Variants in L3MBTL4 observed in about 807,000 individuals in gnomAD.
The protein encoded by L3MBTL4 is lethal(3)malignant brain tumor-like protein 4.
Under a neutral mutation model 84.5 loss-of-function variants are expected in L3MBTL4, and 70 were observed. The observed-to-expected ratio is 0.83, with a 90% CI of 0.68 to 1.01. The LOEUF is 1.01. Among genes scored for constraint, L3MBTL4 ranks in the 50% least tolerant of loss-of-function variants. L3MBTL4 has a pLI of 0.00. For missense variants in L3MBTL4, 715 were observed against 754.8 expected (o/e 0.95, Z 0.62); for synonymous variants, 274 against 259.8 (o/e 1.05, Z -0.52).
At chr18:6,247,741 T>G (rs2047742192) in intron 5 of L3MBTL4, among the ~76,000 whole-genome samples, 1 of 150,750 alleles carries the variant, frequency 6.6e-6, no homozygotes, top group African/African-American at 2.4e-5. Flanking sequence ...GTGATCCACC[T>G]GCCTCGGTCT....
At chr18:6,257,552 G>A (rs956386593) in intron 5 of L3MBTL4, among the ~76,000 whole-genome samples, 3 of 151,944 alleles carry the variant, frequency 2.0e-5, no homozygotes, top group African/African-American at 7.3e-5. Flanking sequence ...AGAACCAAGG[G>A]ACATTATTTT....
chr18:6,349,232 T>C (rs375353357), intron 1 of L3MBTL4, among the ~76,000 whole-genome samples: 1 of 152,228 alleles, frequency 6.6e-6, no homozygotes, highest in Non-Finnish European at 1.5e-5. Context: ...AAAAGACATA[T>C]ATAATAATGT....
At chr18:6,253,882 T>C in intron 5 of L3MBTL4, among the ~76,000 whole-genome samples, 1 of 152,234 alleles carries the variant, frequency 6.6e-6, no homozygotes, top group East Asian at 1.9e-4. Context: ...GCAGGAATGT[T>C]AGATTTTCTT....
intron 13 of L3MBTL4, among the ~76,000 whole-genome samples, chr18:6,142,604 G>A (rs371922644): frequency 5.9e-5 from 9 of 152,052 alleles, no homozygotes; most frequent in East Asian, 1.9e-4. Flanking sequence ...ACTTTTAAAC[G>A]AATCAGAGGA....
Position 5,969,318 on chromosome 18 carries a change from G to A in L3MBTL4, c.1614+75C>T. The A allele has an allele frequency of 5.3e-6, 8 of 1,513,978 alleles. No individual in the cohort carries two copies. The South Asian group carries it at 7.9e-5, about 15-fold the overall frequency. The allele number at this position is 1,513,978 out of a possible 1,614,324, so 93.8% of individuals were successfully genotyped here. ...GGCGCTGTCCCAGACATCAAAGAAT[G>A]GTCAGTGGGCACCTTCCGCCTATTT... is the stretch of plus-strand genomic sequence containing the variant. On this transcript the variant is annotated intron_variant, in intron 17 of 18. Transcript: ENST00000317931.
chr18:5,967,835 C>T lies in L3MBTL4; in HGVS notation c.1614+1558G>A, dbSNP rs137980591. Among the ~76,000 whole-genome samples, 243 of 152,294 alleles carry T rather than the reference C, an allele frequency of 1.6e-3. 1 individual carries two copies. Among genetic ancestry groups the T allele is most frequent in the Middle Eastern group, 6.8e-3 (2 of 294 alleles). On this transcript the variant is annotated intron_variant, in intron 17 of 18. Coordinates refer to ENST00000317931, the MANE Select transcript of L3MBTL4 (RefSeq NM_001330559.2). Reference sequence around the variant, plus strand: ...CAGGACTCCCTGGGGCAGGAGGGGACGGCAAGAATGGCAGGACAAGCAAGG... The same window carrying T: ...CAGGACTCCCTGGGGCAGGAGGGGATGGCAAGAATGGCAGGACAAGCAAGG...
chr18:6,326,034 G>T (rs343264), intron 1 of L3MBTL4, among the ~76,000 whole-genome samples: 1 of 152,144 alleles, frequency 6.6e-6, no homozygotes, highest in Non-Finnish European at 1.5e-5. Context: ...TGCATGCACT[G>T]CTCCTAACCA....
At chr18:5,997,479 G>A (rs1303181724) in intron 16 of L3MBTL4, among the ~76,000 whole-genome samples, 1 of 152,174 alleles carries the variant, frequency 6.6e-6, no homozygotes, top group Non-Finnish European at 1.5e-5. Flanking sequence ...TGGTTTCACT[G>A]AACCAGAACA....
intron 1 of L3MBTL4, among the ~76,000 whole-genome samples, chr18:6,385,105 T>C (rs1024173801): frequency 6.6e-6 from 1 of 152,024 alleles, no homozygotes; most frequent in Non-Finnish European, 1.5e-5. Flanking sequence ...TAGAGTGAGA[T>C]AAAAAGCTTA....
At chr18:6,198,013 G>A (rs942973443) in intron 12 of L3MBTL4, among the ~76,000 whole-genome samples, 20 of 152,114 alleles carry the variant, frequency 1.3e-4, no homozygotes, top group African/African-American at 4.8e-4. Context: ...AATTCAGCCT[G>A]TTTCTTTGAC....
At chr18:6,203,728 G>A (rs1703798177) in intron 12 of L3MBTL4, among the ~76,000 whole-genome samples, 1 of 152,152 alleles carries the variant, frequency 6.6e-6, no homozygotes, top group African/African-American at 2.4e-5. Flanking sequence ...TACAAACCAG[G>A]TGGGATCTCG....
intron 16 of L3MBTL4, among the ~76,000 whole-genome samples, chr18:6,009,791 T>G (rs1302475966): frequency 6.6e-6 from 1 of 152,248 alleles, no homozygotes; most frequent in Non-Finnish European, 1.5e-5. Context: ...TGGTTGCAGG[T>G]AAGGACACAA....
intron 16 of L3MBTL4, among the ~76,000 whole-genome samples, chr18:5,996,535 C>T (rs1048702285): frequency 6.6e-6 from 1 of 152,310 alleles, no homozygotes; most frequent in Admixed American, 6.5e-5. Context: ...ACTCTAGCAG[C>T]TGTGGCTATG....
At chr18:6,117,339 G>A (rs1446504977) in intron 14 of L3MBTL4, among the ~76,000 whole-genome samples, 1 of 152,196 alleles carries the variant, frequency 6.6e-6, no homozygotes, top group Non-Finnish European at 1.5e-5. Flanking sequence ...GCTGAGGTCT[G>A]TCTCATGAAG....
At chr18:6,248,453 AT>A (rs908095809) in intron 5 of L3MBTL4, among the ~76,000 whole-genome samples, 1 of 152,152 alleles carries the variant, frequency 6.6e-6, no homozygotes, top group Non-Finnish European at 1.5e-5. Flanking sequence ...GTTCTTAATG[AT>A]TTTTTAAATA....
chr18:6,237,875 T>C, intron 10 of L3MBTL4, 89 bp downstream of exon 10: 1 of 958,096 alleles, frequency 1.0e-6, no homozygotes, highest in South Asian at 1.3e-5. Context: ...TAGATATGTA[T>C]TAAAATCTGG....
chr18:6,280,082 G>A (rs555299302), intron 4 of L3MBTL4, among the ~76,000 whole-genome samples: 33 of 152,054 alleles, frequency 2.2e-4, no homozygotes, highest in Non-Finnish European at 4.4e-4. Context: ...TCCACAGCTC[G>A]CTAACCTTTC....
chr18:6,252,570 C>T (rs1464054585), intron 5 of L3MBTL4, among the ~76,000 whole-genome samples: 1 of 152,070 alleles, frequency 6.6e-6, no homozygotes, highest in Non-Finnish European at 1.5e-5. Flanking sequence ...TATTTTTATA[C>T]CCTTCTGTCT....
At position 6,241,405 on chromosome 18, in the gene L3MBTL4, A is replaced by T. The variant is rs746786917; in HGVS notation, c.505T>A (p.Cys169Ser). Residue 169 changes from cysteine (C) to serine (S), a missense_variant, in exon 8 of 19, where the codon TGC becomes AGC. By Grantham distance (112) the Cys-to-Ser change is moderately radical. Coordinates refer to ENST00000317931, the MANE Select transcript of L3MBTL4 (RefSeq NM_001330559.2). ...TTCTTTGGAGCATTTTGCAATTTGC[A>T]GGCCTTCAAGTAATCCATCCAAACA... ...KFVWMDYLKACKLQNAPKKLF... is the reference protein window; with the variant it reads ...KFVWMDYLKASKLQNAPKKLF... 1.9e-6 allele frequency: 3 copies of T among 1,605,370 alleles called. No homozygotes were observed. The highest frequency in any genetic ancestry group is 1.7e-6 in the Non-Finnish European group (2 of 1,174,952).
Sources: allele counts gnomAD v4.1 joint callset (sites outside exome capture counted in the v4.1 genomes callset), GRCh38; gene constraint gnomAD v4.1.1; transcripts MANE v1.5; gene names NCBI Gene and HGNC (gene_info 2026-07-23, HGNC 2026-07-21).